Variants in ERG observed in about 807,000 individuals in gnomAD.
ERG encodes the protein ETS transcription factor ERG, also known as transcriptional regulator ERG.
In ERG, 9 loss-of-function variants were observed where a neutral mutation model predicts 55.3. The ratio of observed to expected loss-of-function variants is 0.16; its 90% CI spans 0.10 to 0.28. The LOEUF is 0.28. Ranked by LOEUF, ERG falls within the 10% of genes least tolerant of loss-of-function variation. The pLI is 1.00. For missense variants in ERG, 434 were observed against 631.6 expected, an observed-to-expected ratio of 0.69 and a Z score of 3.35; for synonymous variants, 223 against 237.3, an observed-to-expected ratio of 0.94 and a Z score of 0.55.
chr21:38,406,519 A>G (rs1434105268), intron 3 of ERG, among the ~76,000 whole-genome samples: 3 of 152,130 alleles, frequency 2.0e-5, no homozygotes, highest in African/African-American at 7.2e-5. Context: ...TTCTGTGCAG[A>G]GGATAGTTTG....
chr21:38,515,814 GCAAGGATGGTT>G (rs774248034), intron 2 of ERG, among the ~76,000 whole-genome samples: 21 of 151,994 alleles, frequency 1.4e-4, no homozygotes, highest in Non-Finnish European at 2.5e-4. Context: ...TCCCAGAGAT[GCAAGGATGGTT>G]CAACATACAC....
At chr21:38,441,829 C>G (rs1026927396) in intron 2 of ERG, among the ~76,000 whole-genome samples, 1 of 152,242 alleles carries the variant, frequency 6.6e-6, no homozygotes, top group Admixed American at 6.5e-5. Context: ...TGCCCTTTTC[C>G]TCAAAGGAGG....
chr21:38,452,316 T>C (rs1329876847), intron 1 of ERG, among the ~76,000 whole-genome samples: 1 of 152,132 alleles, frequency 6.6e-6, no homozygotes, highest in Non-Finnish European at 1.5e-5. Flanking sequence ...TGCAAATACA[T>C]ACATGCGCAA....
intron 1 of ERG, 88 bp from the exon 2 acceptor site, chr21:38,445,709 T>C (rs2058885890): frequency 1.0e-6 from 1 of 992,154 alleles, no homozygotes; most frequent in Non-Finnish European, 1.6e-6. Flanking sequence ...CCTTTCTAAC[T>C]GGGACCACAT....
At position 38,403,855 on chromosome 21, in the gene ERG, T is replaced by C; in HGVS notation, c.389-146A>G. ...GCCTCCCTGGCTACCCAGGAGAACA[T>C]TTTGGGGGAAAGACAAAAGCTGCCT... On this transcript the variant is annotated intron_variant, in intron 3 of 9. Coordinates refer to ENST00000288319, the MANE Select transcript of ERG (RefSeq NM_182918.4). 3 of 696,296 alleles carry C rather than the reference T, an allele frequency of 4.3e-6. No homozygotes were observed. In the South Asian group the frequency reaches 5.2e-5, roughly 12 times the overall value. The allele number at this position is 696,296 out of a possible 1,614,324, so 43.1% of individuals were successfully genotyped here.
At chr21:38,650,613 C>T (rs982674735) in intron 1 of ERG, among the ~76,000 whole-genome samples, 6 of 151,444 alleles carry the variant, frequency 4.0e-5, no homozygotes, top group Admixed American at 1.3e-4. Flanking sequence ...CTCCAGCCTG[C>T]GCAACAGAGC....
chr21:38,499,159 T>C (rs2059402672), upstream of ERG, among the ~76,000 whole-genome samples: 2 of 152,208 alleles, frequency 1.3e-5, no homozygotes, highest in South Asian at 4.1e-4. Flanking sequence ...AGTCTTGTTT[T>C]CAAGTATTTA....
chr21:38,448,708 A>T (rs952510467), intron 1 of ERG, among the ~76,000 whole-genome samples: 3 of 152,204 alleles, frequency 2.0e-5, no homozygotes, highest in Admixed American at 6.5e-5. Flanking sequence ...CAGCCCTGCC[A>T]CATCTTTGTC....
At chr21:38,508,783 A>G (rs1010739915) in intron 2 of ERG, among the ~76,000 whole-genome samples, 6 of 152,216 alleles carry the variant, frequency 3.9e-5, no homozygotes, top group African/African-American at 1.4e-4. Flanking sequence ...TCCATCAGAA[A>G]GTGAGGTCCA....
At chr21:38,428,887 T>C (rs572724620) in intron 2 of ERG, among the ~76,000 whole-genome samples, 2 of 152,330 alleles carry the variant, frequency 1.3e-5, no homozygotes, top group Admixed American at 6.5e-5. Flanking sequence ...AATCATTTTG[T>C]CTTTTTATTT....
At chr21:38,647,549 G>A (rs9976458) in intron 1 of ERG, among the ~76,000 whole-genome samples, 201 of 152,032 alleles carry the variant, frequency 1.3e-3, no homozygotes, top group Non-Finnish European at 2.3e-3. Flanking sequence ...AAAAAAATCA[G>A]AAAATGCTTT....
At chr21:38,481,843 G>T (rs762490870) in intron 1 of ERG, among the ~76,000 whole-genome samples, 3 of 152,158 alleles carry the variant, frequency 2.0e-5, no homozygotes, top group Non-Finnish European at 2.9e-5. Context: ...AACAAAAGAA[G>T]AAAAATGAAT....
intron 2 of ERG, among the ~76,000 whole-genome samples, chr21:38,572,085 G>A (rs1173977837): frequency 3.9e-5 from 6 of 151,914 alleles, no homozygotes; most frequent in Admixed American, 2.0e-4. Context: ...GGCCAGGTGC[G>A]GTGGCTCACG....
rs1987469344 is a variant in ERG at position 38,382,169 on chromosome 21, T to C, written c.*1234A>G. The C allele has an allele frequency of 9.5e-7, 1 of 1,051,986 alleles. No individual in the cohort carries two copies. Among genetic ancestry groups the C allele is most frequent in the Non-Finnish European group, 1.1e-6 (1 of 870,788 alleles). The allele number at this position is 1,051,986 out of a possible 1,614,324, so 65.2% of individuals were successfully genotyped here. ...TATCGATTGTCTCTTTTGTCGTGTG[T>C]CTTTGGCTGGCCGAGATCAACTCGT... On this transcript the variant is annotated 3_prime_UTR_variant, in exon 10 of 10. Transcript: ENST00000288319.
chr21:38,413,953 C>T (rs1226386673), intron 3 of ERG, among the ~76,000 whole-genome samples: 3 of 152,140 alleles, frequency 2.0e-5, no homozygotes, highest in Non-Finnish European at 4.4e-5. Context: ...CTATAACATG[C>T]ATGCTGTATT....
intron 2 of ERG, among the ~76,000 whole-genome samples, chr21:38,439,489 C>T (rs1370082738): frequency 6.6e-6 from 1 of 152,152 alleles, no homozygotes; most frequent in Non-Finnish European, 1.5e-5. Flanking sequence ...TTAGTTTGGC[C>T]ACACACTGAC....
At chr21:38,605,824 G>A (rs1382797127) in intron 1 of ERG, among the ~76,000 whole-genome samples, 1 of 150,096 alleles carries the variant, frequency 6.7e-6, no homozygotes, top group Non-Finnish European at 1.5e-5. Context: ...TTGCAGCCCA[G>A]ATAGATGATA....
chr21:38,593,102 C>G (rs1383904313), intron 1 of ERG, among the ~76,000 whole-genome samples: 2 of 152,196 alleles, frequency 1.3e-5, no homozygotes, highest in Non-Finnish European at 2.9e-5. Flanking sequence ...AGCATTTGAG[C>G]TGATCTCAGA....
chr21:38,481,245 A>T (rs1487405321), intron 1 of ERG, among the ~76,000 whole-genome samples: 1 of 152,252 alleles, frequency 6.6e-6, no homozygotes, highest in African/African-American at 2.4e-5. Context: ...TTTTAATCAC[A>T]TACATTGCCA....
Sources: allele counts gnomAD v4.1 joint callset (sites outside exome capture counted in the v4.1 genomes callset), GRCh38; gene constraint gnomAD v4.1.1; transcripts MANE v1.5; gene names NCBI Gene and HGNC (gene_info 2026-07-23, HGNC 2026-07-21).